The following DGKB variants were observed in gnomAD, a reference collection of about 807,000 sequenced individuals.
DGKB encodes 90 kDa diacylglycerol kinase.
A neutral mutation model predicts 114.3 loss-of-function variants in DGKB; 67 were observed. That is an observed-to-expected ratio of 0.59 (90% CI 0.48 to 0.72). DGKB has a LOEUF of 0.72. Among genes scored for constraint, DGKB ranks in the 30% least tolerant of loss-of-function variants. The pLI is 0.00. For synonymous variants in DGKB, 398 were observed against 323.1 expected (o/e 1.23, Z -2.49); for missense variants, 907 against 975.2 (o/e 0.93, Z 0.93).
intron 13 of DGKB, among the ~76,000 whole-genome samples, chr7:14,658,196 A>G (rs532886494): frequency 3.0e-4 from 45 of 152,070 alleles, no homozygotes; most frequent in African/African-American, 9.2e-4. Context: ...CAACATCACA[A>G]CTTAGCCAAG....
chr7:14,335,889 G>T (rs981696428), intron 23 of DGKB, among the ~76,000 whole-genome samples: 1 of 152,014 alleles, frequency 6.6e-6, no homozygotes, highest in East Asian at 1.9e-4. Flanking sequence ...GAGTAGTTGG[G>T]ACTGTAGGCC....
Position 14,732,440 on chromosome 7 carries a change from T to A in DGKB, c.322+3601A>T, listed in dbSNP as rs376709685. 5.9e-5 allele frequency among the ~76,000 whole-genome samples: 9 copies of A among 152,194 alleles called. No individual in the cohort carries two copies. The East Asian group carries it at 9.7e-4, about 16-fold the overall frequency. ...TTATTGCAAAGCAAGATTCTATGAA[T>A]GGAAAGGCATTTCTTTTGTCAGTTT... On this transcript the variant is annotated intron_variant, in intron 5 of 25. Transcript: ENST00000402815.
At chr7:14,177,025 C>A in intron 24 of DGKB, 126 bp from the exon 25 acceptor site, 1 of 1,023,328 alleles carries the variant, frequency 9.8e-7, no homozygotes, top group Non-Finnish European at 1.4e-6. Flanking sequence ...AATTTATCTC[C>A]AATGAAAGGA....
At chr7:14,624,062 G>T (rs1175587232) in intron 14 of DGKB, among the ~76,000 whole-genome samples, 2 of 152,104 alleles carry the variant, frequency 1.3e-5, no homozygotes, top group African/African-American at 4.8e-5. Flanking sequence ...AATAGTTGTG[G>T]TTGCCTTTTT....
intron 20 of DGKB, among the ~76,000 whole-genome samples, chr7:14,529,579 G>A (rs1200429844): frequency 6.6e-6 from 1 of 151,626 alleles, no homozygotes; most frequent in Non-Finnish European, 1.5e-5. Flanking sequence ...CACTCTACAT[G>A]AAAAATGTAT....
chr7:14,767,186 C>A (rs1055712222), intron 2 of DGKB, among the ~76,000 whole-genome samples: 1 of 150,502 alleles, frequency 6.6e-6, no homozygotes, highest in Admixed American at 6.6e-5. Flanking sequence ...ATTATTCAGT[C>A]GAGAGAGAAA....
intron 5 of DGKB, among the ~76,000 whole-genome samples, chr7:14,730,426 C>T (rs181367721): frequency 6.6e-5 from 10 of 152,178 alleles, no homozygotes; most frequent in Admixed American, 2.6e-4. Context: ...TGGAACACAC[C>T]GCGTGCTATT....
intron 5 of DGKB, among the ~76,000 whole-genome samples, chr7:14,729,125 T>TTCTTTTTTTTTTTC (rs1270962832): frequency 1.5e-4 from 21 of 138,004 alleles, no homozygotes; most frequent in African/African-American, 5.9e-4. Context: ...TTTTCTTTCT[T>TTCTTTTTTTTTTTC]TTTTTTTTTT....
At chr7:14,908,236 AC>A (rs1562867386), upstream of DGKB, among the ~76,000 whole-genome samples, 1 of 152,208 alleles carries the variant, frequency 6.6e-6, no homozygotes. Context: ...TTGAGAAACT[AC>A]ATAGGCCAAT....
chr7:14,216,725 C>CAAAAAAAAAA (rs755191130), intron 23 of DGKB, among the ~76,000 whole-genome samples: 2 of 50,346 alleles, frequency 4.0e-5, no homozygotes, highest in Admixed American at 2.3e-4. Context: ...GACTCCGTCT[C>CAAAAAAAAAA]AAAAAAAAAA....
intron 1 of DGKB, among the ~76,000 whole-genome samples, chr7:14,939,137 T>A (rs1336597597): frequency 2.6e-5 from 4 of 152,204 alleles, no homozygotes; most frequent in Non-Finnish European, 5.9e-5. Context: ...CCTCTGCCTA[T>A]ATTACCCTAA....
At chr7:14,627,974 A>C (rs1181187448) in intron 14 of DGKB, among the ~76,000 whole-genome samples, 2 of 151,702 alleles carry the variant, frequency 1.3e-5, no homozygotes. Context: ...AACAAAAAAA[A>C]CCAGACTTTG....
chr7:14,644,864 T>C (rs762443215), intron 13 of DGKB, among the ~76,000 whole-genome samples: 4 of 152,118 alleles, frequency 2.6e-5, no homozygotes, highest in Non-Finnish European at 5.9e-5. Flanking sequence ...AATCCTCAAA[T>C]AGACTTAAAT....
At chr7:14,209,896 CTT>C (rs35178096) in intron 23 of DGKB, among the ~76,000 whole-genome samples, 148 of 146,372 alleles carry the variant, frequency 1.0e-3, no homozygotes, top group African/African-American at 3.0e-3. Flanking sequence ...CTATGGCTGT[CTT>C]TTTTTTTTTA....
intron 23 of DGKB, among the ~76,000 whole-genome samples, chr7:14,298,219 T>C (rs1218481835): frequency 2.0e-5 from 3 of 152,036 alleles, no homozygotes; most frequent in Non-Finnish European, 2.9e-5. Flanking sequence ...AAATTTCATA[T>C]AGAACCAAAA....
At chr7:14,702,888 T>A (rs1825455075) in intron 6 of DGKB, among the ~76,000 whole-genome samples, 1 of 152,182 alleles carries the variant, frequency 6.6e-6, no homozygotes, top group African/African-American at 2.4e-5. Flanking sequence ...AAGTTAGCCA[T>A]GTCACTATAA....
chr7:14,535,511 T>C (rs1212267781), intron 20 of DGKB, among the ~76,000 whole-genome samples: 1 of 151,052 alleles, frequency 6.6e-6, no homozygotes, highest in Non-Finnish European at 1.5e-5. Flanking sequence ...AGAAAGAAAA[T>C]GCTGAAGATT....
intron 16 of DGKB, among the ~76,000 whole-genome samples, chr7:14,610,718 G>C (rs1310445933): frequency 1.3e-5 from 2 of 151,860 alleles, no homozygotes; most frequent in Non-Finnish European, 2.9e-5. Context: ...GGACAACTCT[G>C]TGCCTTCCTA....
chr7:14,831,845 C>G (rs376274557), intron 2 of DGKB, among the ~76,000 whole-genome samples: 66 of 151,978 alleles, frequency 4.3e-4, no homozygotes, highest in Non-Finnish European at 6.0e-4. Context: ...AGATAAACTA[C>G]GCTTATTTAC....
Sources: allele counts gnomAD v4.1 joint callset (sites outside exome capture counted in the v4.1 genomes callset), GRCh38; gene constraint gnomAD v4.1.1; transcripts MANE v1.5; gene names NCBI Gene and HGNC (gene_info 2026-07-23, HGNC 2026-07-21).